Variants in PIK3R4 observed in about 807,000 individuals in gnomAD.
The protein encoded by PIK3R4 is phosphoinositide-3-kinase regulatory subunit 4.
PIK3R4 carries 46 observed loss-of-function variants against 136.5 expected under a neutral mutation model. The ratio of observed to expected loss-of-function variants is 0.34; its 90% CI spans 0.27 to 0.43. The LOEUF (loss-of-function observed/expected upper bound fraction) is 0.43. Ranked by LOEUF, PIK3R4 falls within the 20% of genes least tolerant of loss-of-function variation. The pLI is 1.00. For synonymous variants in PIK3R4, 557 were observed against 566.7 expected (o/e 0.98, Z 0.24); for missense variants, 1,331 against 1,649.5 (o/e 0.81, Z 3.35).
At chr3:130,685,983 G>T (rs2066487518) in intron 15 of PIK3R4, among the ~76,000 whole-genome samples, 1 of 151,466 alleles carries the variant, frequency 6.6e-6, no homozygotes, top group Admixed American at 6.6e-5. Flanking sequence ...TAAGAACAAG[G>T]ACAATGAGGA....
intron 13 of PIK3R4, among the ~76,000 whole-genome samples, chr3:130,700,194 A>G (rs2066567641): frequency 6.6e-6 from 1 of 152,168 alleles, no homozygotes; most frequent in African/African-American, 2.4e-5. Context: ...GTTGCCCTTC[A>G]TATTCCCTTT....
chr3:130,745,977 G>T (rs1433110402), intron 1 of PIK3R4, among the ~76,000 whole-genome samples: 1 of 151,414 alleles, frequency 6.6e-6, no homozygotes, highest in African/African-American at 2.4e-5. Flanking sequence ...TGGAGATCCC[G>T]CCACCGCACT....
chr3:130,726,288 T>C (rs1235253047), intron 6 of PIK3R4, among the ~76,000 whole-genome samples: 1 of 152,020 alleles, frequency 6.6e-6, no homozygotes, highest in African/African-American at 2.4e-5. Context: ...GCTTAAAGTA[T>C]GTTATTAGAA....
intron 3 of PIK3R4, 109 bp downstream of exon 3, chr3:130,735,760 G>T: frequency 1.0e-6 from 1 of 977,308 alleles, no homozygotes; most frequent in Non-Finnish European, 1.5e-6. Flanking sequence ...AGTCTATGGT[G>T]TTTTACTGCT....
In PIK3R4 at chr3:130,723,559, G is replaced by C; in HGVS notation, c.1836C>G (p.Ser612Arg). Reference sequence around the variant, plus strand: ...GCAGCAGAGGCTTGAGAATTGAGGAGCTTTGCCAGCCAACATAGGCAGCAA... The same window carrying C: ...GCAGCAGAGGCTTGAGAATTGAGGACCTTTGCCAGCCAACATAGGCAGCAA... ...VGVAAYVGWQ[S>R]SSILKPLLQQ... Residue 612 changes from serine to arginine, a missense_variant, in exon 7 of 20, where the codon AGC becomes AGG. Ser to Arg is a moderately radical substitution (Grantham distance 110, BLOSUM62 -1). Around this residue, in one of 2 missense-constraint regions of PIK3R4, gnomAD observed 1,180 missense variants for 1,407.0 expected, o/e 0.84. Transcript: ENST00000356763. The C allele has an allele frequency of 6.2e-7, 1 of 1,612,880 alleles. No homozygotes were observed. The highest frequency in any genetic ancestry group is 8.5e-7 in the Non-Finnish European group (1 of 1,179,690).
chr3:130,717,593 G>T (rs1233216417), intron 8 of PIK3R4, among the ~76,000 whole-genome samples: 1 of 151,920 alleles, frequency 6.6e-6, no homozygotes, highest in Non-Finnish European at 1.5e-5. Context: ...AGAAATGAAT[G>T]AATCTATGAA....
chr3:130,689,331 A>ACTGTGGG lies in PIK3R4; in HGVS notation c.3263+1158_3263+1159insCCCACAG, dbSNP rs1220251529. Reference sequence around the variant, plus strand: ...TGTAGGGCCTGTGGGCTCAGTCATCACACAGTGCACTATGCCAAGTTATTA... The same window carrying ACTGTGGG: ...TGTAGGGCCTGTGGGCTCAGTCATCACTGTGGGCACAGTGCACTATGCCAAGTTATTA... On this transcript the variant is annotated intron_variant, in intron 14 of 19. Coordinates refer to ENST00000356763, the MANE Select transcript of PIK3R4 (RefSeq NM_014602.3). Among the ~76,000 whole-genome samples, 421 of 152,248 alleles carry ACTGTGGG rather than the reference A, an allele frequency of 2.8e-3. 2 individuals carry two copies. The highest frequency in any genetic ancestry group is 9.8e-3 in the African/African-American group (406 of 41,558).
At chr3:130,709,313 A>G (rs1393893257) in intron 9 of PIK3R4, among the ~76,000 whole-genome samples, 1 of 152,134 alleles carries the variant, frequency 6.6e-6, no homozygotes, top group Non-Finnish European at 1.5e-5. Context: ...CCAACCATCC[A>G]CAGAATCCTC....
At chr3:130,727,534 A>T (rs557713285) in intron 6 of PIK3R4, among the ~76,000 whole-genome samples, 314 of 115,092 alleles carry the variant, frequency 2.7e-3, no homozygotes, top group Non-Finnish European at 4.3e-3. Context: ...TTAAAGTCTT[A>T]CAGCTTCTGC....
intron 13 of PIK3R4, among the ~76,000 whole-genome samples, chr3:130,691,845 A>G (rs1345055635): frequency 7.7e-6 from 1 of 130,476 alleles, no homozygotes; most frequent in Non-Finnish European, 1.7e-5. Context: ...TATTTCATAT[A>G]TTTTATCAGT....
intron 7 of PIK3R4, among the ~76,000 whole-genome samples, chr3:130,719,124 A>C (rs879144442): frequency 2.0e-5 from 3 of 152,234 alleles, no homozygotes; most frequent in Non-Finnish European, 4.4e-5. Flanking sequence ...AAAAAGGCTG[A>C]AAACATGATA....
intron 9 of PIK3R4, among the ~76,000 whole-genome samples, chr3:130,711,957 A>T (rs1309086410): frequency 6.6e-6 from 1 of 152,236 alleles, no homozygotes; most frequent in South Asian, 2.1e-4. Context: ...TAAAAATGTA[A>T]CTCATTTTTT....
In PIK3R4 at chr3:130,730,187, A is replaced by T. The variant is rs187895259; in HGVS notation, c.1585+121T>A. On this transcript the variant is annotated intron_variant, in intron 5 of 19. Transcript: ENST00000356763. ...TAATTAGACACCAGGGACTCTTCCT[A>T]TCTAATATATAGATCTGGTATTCCT... The T allele has an allele frequency of 3.2e-5, 23 of 728,366 alleles. 1 individual carries two copies. In the East Asian group the frequency reaches 6.3e-4, roughly 20 times the overall value. 45.1% of individuals were successfully genotyped at this position (728,366 alleles called of 1,614,324 possible).
intron 6 of PIK3R4, among the ~76,000 whole-genome samples, chr3:130,728,131 C>T (rs1210363160): frequency 1.3e-5 from 2 of 152,136 alleles, no homozygotes; most frequent in African/African-American, 4.8e-5. Context: ...GTTACCTTTA[C>T]ACTACAGCAA....
At chr3:130,724,161 T>C (rs555383377) in intron 6 of PIK3R4, among the ~76,000 whole-genome samples, 2 of 152,298 alleles carry the variant, frequency 1.3e-5, no homozygotes, top group Non-Finnish European at 2.9e-5. Context: ...GAATAGATTC[T>C]AAGCAACAAA....
intron 9 of PIK3R4, among the ~76,000 whole-genome samples, chr3:130,710,517 C>T (rs1285850471): frequency 1.3e-5 from 2 of 151,898 alleles, no homozygotes; most frequent in Non-Finnish European, 2.9e-5. Flanking sequence ...ATATGAGAAA[C>T]AAGGATGCCC....
chr3:130,696,770 T>A (rs571830771), intron 13 of PIK3R4, among the ~76,000 whole-genome samples: 37 of 152,292 alleles, frequency 2.4e-4, no homozygotes, highest in African/African-American at 8.7e-4. Context: ...CTGGTTGGTT[T>A]GTAGTGTTGC....
At chr3:130,722,009 C>A (rs1333362882) in intron 7 of PIK3R4, among the ~76,000 whole-genome samples, 1 of 151,820 alleles carries the variant, frequency 6.6e-6, no homozygotes, top group African/African-American at 2.4e-5. Context: ...AATATACTAT[C>A]TTTATTTGTT....
At position 130,744,587 on chromosome 3, in the gene PIK3R4, T is replaced by A; in HGVS notation, c.632A>T (p.Glu211Val). 1 of 1,614,222 alleles carries A rather than the reference T, an allele frequency of 6.2e-7. No homozygotes were observed. The highest frequency in any genetic ancestry group is 8.5e-7 in the Non-Finnish European group (1 of 1,180,016). Residue 211 changes from glutamate (E) to valine (V), a missense_variant, in exon 2 of 20, where the codon GAG becomes GTG. Transcript: ENST00000356763. Reference protein sequence around the residue: ...RFVDGGMFATELEYMRDPSTP... With the variant: ...RFVDGGMFATVLEYMRDPSTP... ...TGAAGGATCTCTCATATATTCTAAC[T>A]CAGTGGCAAACATCCCACCATCAAC...
Sources: gnomAD v4.1 joint callset for allele counts (sites outside exome capture counted in the v4.1 genomes callset) on GRCh38, gnomAD v4.1.1 for gene constraint, gnomAD v4.1.1 regional missense constraint, MANE v1.5 for transcripts, NCBI Gene and HGNC (gene_info 2026-07-23, HGNC 2026-07-21) for gene names.